The following HTR2C variants were observed in gnomAD, a reference collection of about 807,000 sequenced individuals.
HTR2C encodes 5-hydroxytryptamine receptor 2C.
HTR2C carries 5 observed loss-of-function variants against 21.0 expected under a neutral mutation model. The ratio of observed to expected loss-of-function variants is 0.24; its 90% CI spans 0.12 to 0.50. The LOEUF is 0.50. HTR2C is among the 20% of genes least tolerant of loss of function. The pLI is 0.98. For missense variants in HTR2C, 271 were observed against 371.2 expected (o/e 0.73, Z 2.22); for synonymous variants, 150 against 145.3 (o/e 1.03, Z -0.23).
intron 4 of HTR2C, among the ~76,000 whole-genome samples, chrX:114,779,324 A>G (rs1216102160): frequency 9.0e-6 from 1 of 111,680 alleles, no homozygotes; most frequent in African/African-American, 3.3e-5. Context: ...CAGGAAAACT[A>G]GATTTTGAAA....
chrX:114,697,059 T>A (rs1352679281), intron 2 of HTR2C, among the ~76,000 whole-genome samples: 1 of 112,122 alleles, frequency 8.9e-6, no homozygotes, highest in Non-Finnish European at 1.9e-5. Context: ...AGTGTTTCAA[T>A]AACAATTACA....
At chrX:114,745,790 G>A (rs781921735) in intron 4 of HTR2C, among the ~76,000 whole-genome samples, 11 of 111,132 alleles carry the variant, frequency 9.9e-5, no homozygotes, top group Admixed American at 3.8e-4. Flanking sequence ...GTAGAAGGAC[G>A]GTTACCAGAA....
chrX:114,776,184 A>G, intron 4 of HTR2C: 1 of 553,775 alleles, frequency 1.8e-6, no homozygotes, highest in Non-Finnish European at 3.3e-6. Flanking sequence ...CTCAGGTCAA[A>G]GATAAACACA....
intron 1 of HTR2C, among the ~76,000 whole-genome samples, chrX:114,597,640 G>A (rs1199386378): frequency 1.8e-5 from 2 of 111,675 alleles, no homozygotes; most frequent in African/African-American, 6.5e-5. Flanking sequence ...ACTAGTTAGT[G>A]GGGGTGAGAG....
intron 2 of HTR2C, among the ~76,000 whole-genome samples, chrX:114,726,595 C>T (rs782029643): frequency 1.8e-5 from 2 of 112,318 alleles, no homozygotes; most frequent in African/African-American, 6.5e-5. Flanking sequence ...GCCATGTCTA[C>T]TCCAAGAGGG....
chrX:114,686,388 A>C (rs2147857575), intron 2 of HTR2C, among the ~76,000 whole-genome samples: 1 of 110,340 alleles, frequency 9.1e-6, no homozygotes, highest in Non-Finnish European at 1.9e-5. Context: ...TAGTACTATT[A>C]CTCTTGCTTT....
At chrX:114,887,473 T>C (rs1281605587) in intron 5 of HTR2C, among the ~76,000 whole-genome samples, 2 of 111,605 alleles carry the variant, frequency 1.8e-5, no homozygotes, top group African/African-American at 3.3e-5. Flanking sequence ...AAAATTTCTT[T>C]ATAGATATTC....
chrX:114,720,195 T>C (rs1358361573), intron 2 of HTR2C, among the ~76,000 whole-genome samples: 1 of 110,918 alleles, frequency 9.0e-6, no homozygotes, highest in Non-Finnish European at 1.9e-5. Flanking sequence ...TATAGCTCTC[T>C]CTCTCTCACA....
At chrX:114,719,373 G>A (rs910702264) in intron 2 of HTR2C, among the ~76,000 whole-genome samples, 11 of 111,169 alleles carry the variant, frequency 9.9e-5, no homozygotes, top group African/African-American at 3.6e-4. Flanking sequence ...AAGAAGTTTT[G>A]CATCACCTTC....
chrX:114,688,562 G>C (rs1390590513), intron 2 of HTR2C, among the ~76,000 whole-genome samples: 1 of 111,568 alleles, frequency 9.0e-6, no homozygotes, highest in Non-Finnish European at 1.9e-5. Context: ...TTTGCTACCT[G>C]GGATTAGAAA....
At chrX:114,761,990 C>CACATATATGTG (rs782126342) in intron 4 of HTR2C, among the ~76,000 whole-genome samples, 1 of 9,910 alleles carries the variant, frequency 1.0e-4, no homozygotes, top group Non-Finnish European at 2.0e-4. Flanking sequence ...TGTATATATA[C>CACATATATGTG]TATATATACA....
chrX:114,723,484 T>G (rs1341757646), intron 2 of HTR2C, among the ~76,000 whole-genome samples: 2 of 111,205 alleles, frequency 1.8e-5, no homozygotes, highest in African/African-American at 6.6e-5. Flanking sequence ...ATTCAATAAT[T>G]TTTTGAAGGG....
rs111873124 is a variant in HTR2C at position 114,909,984 on chromosome X, T to A, written c.*2569T>A. On this transcript the variant is annotated 3_prime_UTR_variant, in exon 6 of 6. Transcript: ENST00000276198. ...TTGTGAATGGTTGCAAAGTGTTGTC[T>A]TATTCCTAATTCCTGTATGTTATCC... 6.9e-3 allele frequency: 771 copies of A among 112,329 alleles called. 3 individuals carry two copies. Among genetic ancestry groups the A allele is most frequent in the Admixed American group, 1.0e-2 (105 of 10,550 alleles). 9.3% of individuals were successfully genotyped at this position (112,329 alleles called of 1,213,427 possible). A position where few individuals can be genotyped will look rare whatever the true frequency, so the allele number is the denominator to read the frequency against.
At chrX:114,719,319 G>A (rs1260443360) in intron 2 of HTR2C, among the ~76,000 whole-genome samples, 1 of 110,220 alleles carries the variant, frequency 9.1e-6, no homozygotes, top group Non-Finnish European at 1.9e-5. Context: ...GAGTTGTTTC[G>A]CTATGTTTTT....
chrX:114,724,895 T>C (rs1933389612), intron 2 of HTR2C, among the ~76,000 whole-genome samples: 1 of 107,553 alleles, frequency 9.3e-6, no homozygotes, highest in South Asian at 4.4e-4. Flanking sequence ...GCTGTTAGTT[T>C]GATGGGCTTC....
At chrX:114,869,987 C>T (rs1047861887) in intron 5 of HTR2C, among the ~76,000 whole-genome samples, 30 of 111,705 alleles carry the variant, frequency 2.7e-4, no homozygotes, top group African/African-American at 9.4e-4. Flanking sequence ...TATGTTGAAC[C>T]ATCCTTGCAT....
At chrX:114,840,445 A>T (rs782802719) in intron 4 of HTR2C, among the ~76,000 whole-genome samples, 14 of 111,503 alleles carry the variant, frequency 1.3e-4, no homozygotes, top group Non-Finnish European at 2.6e-4. Context: ...AGTGCATTTG[A>T]AGATAGATCT....
chrX:114,725,003 C>T (rs1556421565), intron 2 of HTR2C, among the ~76,000 whole-genome samples: 1 of 110,358 alleles, frequency 9.1e-6, no homozygotes, highest in Admixed American at 9.7e-5. Context: ...CTTAGAGTTG[C>T]TCTTCTCGAG....
chrX:114,756,786 G>T (rs991958349), intron 4 of HTR2C, among the ~76,000 whole-genome samples: 2 of 111,667 alleles, frequency 1.8e-5, no homozygotes, highest in Non-Finnish European at 3.8e-5. Context: ...TATCTTGGTT[G>T]TGCTATTTTA....
Sources: allele counts gnomAD v4.1 joint callset (sites outside exome capture counted in the v4.1 genomes callset), GRCh38; gene constraint gnomAD v4.1.1; transcripts MANE v1.5; gene names NCBI Gene and HGNC (gene_info 2026-07-23, HGNC 2026-07-21).